STEAP4: variants seen among roughly 807,000 people sequenced by gnomAD.
STEAP4 encodes metalloreductase STEAP4.
STEAP4 carries 36 observed loss-of-function variants against 43.6 expected under a neutral mutation model. The ratio of observed to expected loss-of-function variants is 0.83; its 90% confidence interval spans 0.63 to 1.09. The LOEUF is 1.09. Among genes scored for constraint, STEAP4 ranks in the 50% least tolerant of loss-of-function variants. The pLI, the probability that STEAP4 is intolerant of heterozygous loss-of-function variation, is 0.00. For missense variants in STEAP4, 495 were observed against 546.5 expected, an observed-to-expected ratio of 0.91 and a Z score of 0.94; for synonymous variants, 191 against 196.7, an observed-to-expected ratio of 0.97 and a Z score of 0.24.
At chr7:88,289,092 G>T (rs1319144791) in intron 1 of STEAP4, among the ~76,000 whole-genome samples, 1 of 151,872 alleles carries the variant, frequency 6.6e-6, no homozygotes, top group African/African-American at 2.4e-5. Flanking sequence ...ATGTGTGTGT[G>T]TTTGTGTGTG....
chr7:88,295,744 G>A (rs540432565), intron 1 of STEAP4, among the ~76,000 whole-genome samples: 211 of 152,272 alleles, frequency 1.4e-3, no homozygotes, highest in African/African-American at 4.9e-3. Flanking sequence ...AAACTTAAGC[G>A]ATTCTGAAGA....
Position 88,274,651 on chromosome 7 carries a change from A to G in STEAP4, c.*4747T>C, listed in dbSNP as rs1852485114. Reference sequence around the variant, plus strand: ...TAAAGGAATAAAAGGGCTATTTCATAGGCAGAGCAGTGGCATGGGCTGCCT... The same window carrying G: ...TAAAGGAATAAAAGGGCTATTTCATGGGCAGAGCAGTGGCATGGGCTGCCT... On this transcript the variant is annotated 3_prime_UTR_variant, in exon 5 of 5. Coordinates refer to ENST00000380079, the MANE Select transcript of STEAP4 (RefSeq NM_024636.4). 1 of 152,238 alleles carries G rather than the reference A, an allele frequency of 6.6e-6. No homozygotes were observed. The highest frequency in any genetic ancestry group is 2.1e-4 in the South Asian group (1 of 4,832). 9.4% of individuals were successfully genotyped at this position (152,238 alleles called of 1,614,324 possible). A position where few individuals can be genotyped will look rare whatever the true frequency, so the allele number is the denominator to read the frequency against.
Position 88,304,913 on chromosome 7 carries a change from A to G in STEAP4, c.-3+1879T>C, listed in dbSNP as rs116574636. Among the ~76,000 whole-genome samples the G allele has an allele frequency of 3.0e-3, 454 of 152,258 alleles. 3 individuals carry two copies. Among genetic ancestry groups the G allele is most frequent in the African/African-American group, 0.011 (440 of 41,528 alleles). ...TCAGGGGAAGTCCTTCAAGAGACAA[A>G]GTAATGCAGAGTGACCACTCCAAGT... On this transcript the variant is annotated intron_variant, in intron 1 of 4. Coordinates refer to ENST00000380079, the MANE Select transcript of STEAP4 (RefSeq NM_024636.4).
intron 1 of STEAP4, among the ~76,000 whole-genome samples, chr7:88,303,053 C>T (rs867469090): frequency 6.7e-6 from 1 of 148,460 alleles, no homozygotes; most frequent in Middle Eastern, 3.5e-3. Flanking sequence ...GTTTTATTTT[C>T]TTTTAGCCTT....
chr7:88,305,163 A>G (rs1205150353), intron 1 of STEAP4, among the ~76,000 whole-genome samples: 1 of 152,186 alleles, frequency 6.6e-6, no homozygotes, highest in Non-Finnish European at 1.5e-5. Context: ...GAACTTCAAC[A>G]ATGTGAACAA....
intron 1 of STEAP4, among the ~76,000 whole-genome samples, chr7:88,306,428 C>A (rs1225502995): frequency 1.3e-5 from 2 of 152,244 alleles, no homozygotes; most frequent in Admixed American, 1.3e-4. Context: ...AGCCTCGGAT[C>A]TGAGACCTTG....
At chr7:88,299,456 T>C (rs573011543) in intron 1 of STEAP4, among the ~76,000 whole-genome samples, 7 of 152,286 alleles carry the variant, frequency 4.6e-5, no homozygotes, top group Admixed American at 4.6e-4. Context: ...TTCTTACAAA[T>C]CTGTGGGTCA....
At chr7:88,285,776 A>G (rs1475180492) in intron 1 of STEAP4, among the ~76,000 whole-genome samples, 1 of 148,690 alleles carries the variant, frequency 6.7e-6, no homozygotes, top group Admixed American at 6.7e-5. Flanking sequence ...AAAAAAAAAG[A>G]AAGAAAGAAA....
At position 88,278,223 on chromosome 7, in the gene STEAP4, A is replaced by C. The variant is rs1235518081; in HGVS notation, c.*1175T>G. 6.6e-6 allele frequency: 1 copy of C among 152,178 alleles called. No individual in the cohort carries two copies. The highest frequency in any genetic ancestry group is 1.5e-5 in the Non-Finnish European group (1 of 68,020). 9.4% of individuals were successfully genotyped at this position (152,178 alleles called of 1,614,324 possible). Reference sequence around the variant, plus strand: ...TGAAGGTCACCTTGGAAAGGGTACTATCAGCACAGAAAAACAGTGAGAACC... The same window carrying C: ...TGAAGGTCACCTTGGAAAGGGTACTCTCAGCACAGAAAAACAGTGAGAACC... On this transcript the variant is annotated 3_prime_UTR_variant, in exon 5 of 5. Coordinates refer to ENST00000380079, the MANE Select transcript of STEAP4 (RefSeq NM_024636.4).
chr7:88,281,008 T>A lies in STEAP4; in HGVS notation c.1056A>T (p.Gly352=). The change falls in exon 4 of 5, where the codon GGA becomes GGT. Residue 352 remains glycine (G), a synonymous_variant. Coordinates refer to ENST00000380079, the MANE Select transcript of STEAP4 (RefSeq NM_024636.4). ...AWLSDSYVAL[G]ILGFFLFVLL... ...GTACAAACAGAAAAAACCCAAGTAT[T>A]CCCAAAGCCACATATGAATCACTGA... is the stretch of plus-strand genomic sequence containing the variant. The A allele has an allele frequency of 6.2e-7, 1 of 1,613,418 alleles. No homozygotes were observed. The highest frequency in any genetic ancestry group is 8.5e-7 in the Non-Finnish European group (1 of 1,179,738).
In STEAP4 at chr7:88,277,395, C is replaced by T. The variant is rs1353001538; in HGVS notation, c.*2003G>A. On this transcript the variant is annotated 3_prime_UTR_variant, in exon 5 of 5. Coordinates refer to ENST00000380079, the MANE Select transcript of STEAP4 (RefSeq NM_024636.4). ...GGTGCGATGAAAGCAACACCCTCAT[C>T]CAATGGTAATTAAATTGATAAGGTC... The T allele has an allele frequency of 6.6e-6, 1 of 152,076 alleles. No homozygotes were observed. Among genetic ancestry groups the T allele is most frequent in the Non-Finnish European group, 1.5e-5 (1 of 68,022 alleles). 9.4% of individuals were successfully genotyped at this position (152,076 alleles called of 1,614,324 possible). A position where few individuals can be genotyped will look rare whatever the true frequency, so the allele number is the denominator to read the frequency against.
chr7:88,294,026 T>C (rs1232277185), intron 1 of STEAP4, among the ~76,000 whole-genome samples: 2 of 152,156 alleles, frequency 1.3e-5, no homozygotes, highest in Admixed American at 6.5e-5. Flanking sequence ...AAAACTTCAA[T>C]GCAAAGCAGT....
intron 1 of STEAP4, among the ~76,000 whole-genome samples, chr7:88,301,778 G>A (rs182625977): frequency 6.6e-6 from 1 of 152,054 alleles, no homozygotes; most frequent in Admixed American, 6.5e-5. Context: ...GTTTCACCAT[G>A]TTGGCCAGGC....
chr7:88,306,407 GGT>G (rs1853133128), intron 1 of STEAP4, among the ~76,000 whole-genome samples: 1 of 152,360 alleles, frequency 6.6e-6, no homozygotes, highest in East Asian at 1.9e-4. Context: ...TTTAGTGCCT[GGT>G]CAAGAAGCAG....
chr7:88,281,227 A>G (rs1431345228), intron 3 of STEAP4, 148 bp from the exon 4 acceptor site: 1 of 662,072 alleles, frequency 1.5e-6, no homozygotes, highest in Non-Finnish European at 2.3e-6. Context: ...ACTTTAGTGA[A>G]AAATACACTT....
chr7:88,303,208 A>AAAAAAAACAAT (rs1554544064), intron 1 of STEAP4, among the ~76,000 whole-genome samples: 1 of 144,774 alleles, frequency 6.9e-6, no homozygotes, highest in Admixed American at 7.1e-5. Context: ...AAAAAAAAAA[A>AAAAAAAACAAT]ACTCCAACCG....
At position 88,279,338 on chromosome 7, in the gene STEAP4, T is replaced by TCAGAAATCCAGCTAACATAGTG; in HGVS notation, c.*59_*60insCACTATGTTAGCTGGATTTCTG. The TCAGAAATCCAGCTAACATAGTG allele has an allele frequency of 6.5e-7, 1 of 1,528,154 alleles. No homozygotes were observed. Among genetic ancestry groups the TCAGAAATCCAGCTAACATAGTG allele is most frequent in the East Asian group, 2.2e-5 (1 of 44,446 alleles). The allele number at this position is 1,528,154 out of a possible 1,614,324, so 94.7% of individuals were successfully genotyped here. A position where few individuals can be genotyped will look rare whatever the true frequency, so the allele number is the denominator to read the frequency against. On this transcript the variant is annotated 3_prime_UTR_variant, in exon 5 of 5. Transcript: ENST00000380079. ...TTCTTTAAACATTCAAAACCATAGTTCAGAAATCCAGCTAAATTGAACTTT... is the reference window on the plus strand; with the variant it reads ...TTCTTTAAACATTCAAAACCATAGTTCAGAAATCCAGCTAACATAGTGCAGAAATCCAGCTAAATTGAACTTT...
At position 88,283,065 on chromosome 7, in the gene STEAP4, T is replaced by C. The variant is rs1322333944; in HGVS notation, c.560A>G (p.Lys187Arg). The change falls in exon 3 of 5, where the codon AAA (lysine) becomes AGA (arginine). Residue 187 changes from lysine (K) to arginine (R), a missense_variant. Lys to Arg is a conservative substitution (Grantham distance 26). Coordinates refer to ENST00000380079, the MANE Select transcript of STEAP4 (RefSeq NM_024636.4). ...PMDQGSLMAA[K>R]EIEKYPLQLF... ...CTGCAGGGGGTACTTTTCAATTTCTTTGGCTGCCATGAGTGATCCTTGATC... is the reference window on the plus strand; with the variant it reads ...CTGCAGGGGGTACTTTTCAATTTCTCTGGCTGCCATGAGTGATCCTTGATC... 12 of 1,613,346 alleles carry C rather than the reference T, an allele frequency of 7.4e-6. No homozygotes were observed. The African/African-American group carries it at 1.6e-4, about 22-fold the overall frequency.
At chr7:88,280,134 G>A (rs924893514) in intron 4 of STEAP4, among the ~76,000 whole-genome samples, 1 of 152,118 alleles carries the variant, frequency 6.6e-6, no homozygotes, top group African/African-American at 2.4e-5. Flanking sequence ...TTAATACCTT[G>A]AACAAAACTG....
Sources: gnomAD v4.1 joint callset for allele counts (sites outside exome capture counted in the v4.1 genomes callset) on GRCh38, gnomAD v4.1.1 for gene constraint, MANE v1.5 for transcripts, NCBI Gene and HGNC (gene_info 2026-07-23, HGNC 2026-07-21) for gene names.